ARHGAP6: variants seen among roughly 807,000 people sequenced by gnomAD.
ARHGAP6 encodes the protein Rho GTPase activating protein 6.
A neutral mutation model predicts 55.7 loss-of-function variants in ARHGAP6; 16 were observed. That is an observed-to-expected ratio of 0.29 (90% confidence interval 0.19 to 0.44). ARHGAP6 has a LOEUF of 0.44. ARHGAP6 is among the 20% of genes least tolerant of loss of function. The probability of loss-of-function intolerance (pLI) is 1.00; values close to 1 mark genes in which losing one functional copy is unlikely to be tolerated. For missense variants in ARHGAP6, 698 were observed against 808.9 expected, an observed-to-expected ratio of 0.86 and a Z score of 1.66; for synonymous variants, 382 against 360.9, an observed-to-expected ratio of 1.06 and a Z score of -0.66.
At chrX:11,181,524 A>G (rs1407304663) in intron 6 of ARHGAP6, among the ~76,000 whole-genome samples, 1 of 112,513 alleles carries the variant, frequency 8.9e-6, no homozygotes, top group Non-Finnish European at 1.9e-5. Context: ...AAGGTCTAAT[A>G]TCAAACTTCA....
intron 1 of ARHGAP6, among the ~76,000 whole-genome samples, chrX:11,276,175 C>T (rs1047497514): frequency 9.0e-5 from 10 of 111,360 alleles, no homozygotes; most frequent in Non-Finnish European, 1.5e-4. Context: ...ACTCTAACGT[C>T]ACCGATACGT....
chrX:11,339,238 A>G (rs1320334657), intron 1 of ARHGAP6, among the ~76,000 whole-genome samples: 1 of 111,918 alleles, frequency 8.9e-6, no homozygotes, highest in Admixed American at 9.5e-5. Context: ...TCTAAATTGG[A>G]ATCACAGTGC....
intron 1 of ARHGAP6, among the ~76,000 whole-genome samples, chrX:11,261,147 G>A (rs1386624192): frequency 1.8e-5 from 2 of 111,718 alleles, no homozygotes; most frequent in African/African-American, 6.5e-5. Context: ...TTCTGGATTC[G>A]AATAAACCAT....
At chrX:11,542,508 A>G (rs2051168713) in intron 1 of ARHGAP6, among the ~76,000 whole-genome samples, 1 of 110,941 alleles carries the variant, frequency 9.0e-6, no homozygotes, top group South Asian at 3.9e-4. Context: ...TTCTGGTGCC[A>G]AGAAAATAAA....
intron 1 of ARHGAP6, among the ~76,000 whole-genome samples, chrX:11,634,582 T>C (rs2052397706): frequency 8.9e-6 from 1 of 111,857 alleles, no homozygotes; most frequent in Admixed American, 9.5e-5. Context: ...ATAATCTAAA[T>C]ATCCAATTAG....
intron 1 of ARHGAP6, among the ~76,000 whole-genome samples, chrX:11,312,001 A>AC (rs1383331029): frequency 2.7e-5 from 3 of 111,955 alleles, no homozygotes; most frequent in Non-Finnish European, 5.6e-5. Flanking sequence ...GATAAAAAAA[A>AC]AATGTTTCAT....
intron 1 of ARHGAP6, among the ~76,000 whole-genome samples, chrX:11,410,576 C>G (rs187541643): frequency 8.9e-6 from 1 of 112,079 alleles, no homozygotes; most frequent in Non-Finnish European, 1.9e-5. Context: ...TGTACAACTC[C>G]GTGAATGTAC....
At chrX:11,332,200 T>C (rs2048570513) in intron 1 of ARHGAP6, among the ~76,000 whole-genome samples, 1 of 112,036 alleles carries the variant, frequency 8.9e-6, no homozygotes, top group African/African-American at 3.2e-5. Flanking sequence ...TACTCTTAGA[T>C]CCATCCCCTA....
At chrX:11,372,771 C>CAAAAAAAAAA (rs1171647934) in intron 1 of ARHGAP6, among the ~76,000 whole-genome samples, 265 of 14,040 alleles carry the variant, frequency 0.019, no homozygotes, top group Non-Finnish European at 0.022. Flanking sequence ...GACTCCATCT[C>CAAAAAAAAAA]AAAAAAAAAA....
chrX:11,546,707 C>G (rs938507694), intron 1 of ARHGAP6, among the ~76,000 whole-genome samples: 1 of 111,883 alleles, frequency 8.9e-6, no homozygotes, highest in African/African-American at 3.2e-5. Context: ...GAACTTCCAC[C>G]ATACCTTCTC....
intron 8 of ARHGAP6, among the ~76,000 whole-genome samples, chrX:11,174,635 CTT>C (rs1555964830): frequency 4.8e-3 from 221 of 45,797 alleles, no homozygotes; most frequent in Middle Eastern, 0.011. Flanking sequence ...TTCTTTCTTT[CTT>C]TCTTTCTTTC....
At chrX:11,469,314 T>C (rs899037778) in intron 1 of ARHGAP6, among the ~76,000 whole-genome samples, 3 of 112,924 alleles carry the variant, frequency 2.7e-5, no homozygotes, top group African/African-American at 9.6e-5. Flanking sequence ...AAGCAATCTT[T>C]AAGGCAATTC....
intron 1 of ARHGAP6, among the ~76,000 whole-genome samples, chrX:11,358,456 T>C (rs1173598089): frequency 4.4e-5 from 4 of 91,778 alleles, no homozygotes; most frequent in African/African-American, 1.3e-4. Context: ...TTTCTTTCTT[T>C]CTTTCTTTCT....
At chrX:11,446,577 C>T (rs966931294) in intron 1 of ARHGAP6, among the ~76,000 whole-genome samples, 1 of 111,448 alleles carries the variant, frequency 9.0e-6, no homozygotes, top group South Asian at 3.8e-4. Flanking sequence ...AGAAAGCTGA[C>T]ATTCCGTTCC....
At chrX:11,661,644 A>G (rs12012760) in intron 1 of ARHGAP6, among the ~76,000 whole-genome samples, 2,525 of 112,545 alleles carry the variant, frequency 0.022, 72 homozygotes, top group African/African-American at 0.077. Flanking sequence ...TATGGATTCA[A>G]TGGAAGAGAA....
At chrX:11,183,311 C>T (rs896495200) in intron 5 of ARHGAP6, among the ~76,000 whole-genome samples, 5 of 111,524 alleles carry the variant, frequency 4.5e-5, no homozygotes, top group African/African-American at 1.6e-4. Flanking sequence ...CACAGGTCCC[C>T]AAAATATACA....
chrX:11,339,843 T>C (rs1181226283), intron 1 of ARHGAP6, among the ~76,000 whole-genome samples: 1 of 111,111 alleles, frequency 9.0e-6, no homozygotes, highest in African/African-American at 3.3e-5. Context: ...AACTTGTTTC[T>C]CTCTCAATAT....
intron 1 of ARHGAP6, among the ~76,000 whole-genome samples, chrX:11,433,216 G>A (rs1177719496): frequency 8.9e-6 from 1 of 112,010 alleles, no homozygotes; most frequent in Non-Finnish European, 1.9e-5. Context: ...TCAAACCCTA[G>A]TACAAAGAAT....
At chrX:11,521,827 A>T (rs1471262373) in intron 1 of ARHGAP6, among the ~76,000 whole-genome samples, 1 of 110,750 alleles carries the variant, frequency 9.0e-6, no homozygotes, top group African/African-American at 3.3e-5. Flanking sequence ...ATCCTCTTTT[A>T]TTTCATTGAG....
Sources: gnomAD v4.1 joint callset for allele counts (sites outside exome capture counted in the v4.1 genomes callset) on GRCh38, gnomAD v4.1.1 for gene constraint, MANE v1.5 for transcripts, NCBI Gene and HGNC (gene_info 2026-07-23, HGNC 2026-07-21) for gene names.